Variants in PCDHGB2 observed in about 807,000 individuals in gnomAD.
The protein encoded by PCDHGB2 is protocadherin gamma subfamily B, 2.
In PCDHGB2, 55 loss-of-function variants were observed where a neutral mutation model predicts 59.3. That is an observed-to-expected ratio of 0.93 (90% CI 0.75 to 1.16). PCDHGB2 has a LOEUF of 1.16. Among genes scored for constraint, PCDHGB2 ranks in the 50% most tolerant of loss-of-function variants. The pLI is 0.00. For synonymous variants in PCDHGB2, 516 were observed against 512.0 expected, an observed-to-expected ratio of 1.01 and a Z score of -0.11; for missense variants, 1,228 against 1,198.5, an observed-to-expected ratio of 1.02 and a Z score of -0.36.
rs568314069 is a variant in PCDHGB2 at position 141,486,371 on chromosome 5, G to C, written c.2422-8436G>C. 53 of 1,614,138 alleles carry C rather than the reference G, an allele frequency of 3.3e-5. 2 individuals are homozygous for C. The South Asian group carries it at 5.3e-4, about 16-fold the overall frequency. Reference sequence around the variant, plus strand: ...CCACTTGCCATTTGCCCTCAAGTCTGCCTTCAGGAACCAGTTCTCCCTGGT... The same window carrying C: ...CCACTTGCCATTTGCCCTCAAGTCTCCCTTCAGGAACCAGTTCTCCCTGGT... On this transcript the variant is annotated intron_variant, in intron 1 of 3. Transcript: ENST00000522605. The surrounding 1 kb of genome is among the most constrained non-coding windows in gnomAD (Gnocchi z 5.0).
chr5:141,468,230 TAGG>T (rs1451844939), intron 1 of PCDHGB2, among the ~76,000 whole-genome samples: 9 of 141,220 alleles, frequency 6.4e-5, no homozygotes, highest in South Asian at 2.2e-4. Context: ...GAGGATGAGG[TAGG>T]AGAATTGCCT....
intron 1 of PCDHGB2, chr5:141,377,922 C>A (rs1453139299): frequency 6.6e-6 from 1 of 152,166 alleles, no homozygotes; most frequent in East Asian, 1.9e-4. Context: ...TAAAAATCCA[C>A]CTGTAACTGC....
intron 1 of PCDHGB2, chr5:141,418,060 A>G (rs2096216821): frequency 1.2e-6 from 2 of 1,613,850 alleles, no homozygotes; most frequent in Admixed American, 1.7e-5. Flanking sequence ...GCGAGCTGCG[A>G]GTGAGCGCGG....
intron 1 of PCDHGB2, chr5:141,385,603 T>C: frequency 1.7e-6 from 2 of 1,190,158 alleles, no homozygotes; most frequent in South Asian, 5.3e-5. Flanking sequence ...CTTTCTTAAC[T>C]CATATATTTT....
chr5:141,386,345 AG>A (rs2090538065), intron 1 of PCDHGB2, among the ~76,000 whole-genome samples: 1 of 152,200 alleles, frequency 6.6e-6, no homozygotes, highest in Admixed American at 6.5e-5. Context: ...GTGGATGACA[AG>A]GTAATCTTGA....
chr5:141,472,486 G>A (rs1300618918), intron 1 of PCDHGB2, among the ~76,000 whole-genome samples: 1 of 152,050 alleles, frequency 6.6e-6, no homozygotes, highest in Non-Finnish European at 1.5e-5. Flanking sequence ...CTTGCAGTGA[G>A]ACGAGATCGT....
At position 141,384,872 on chromosome 5, in the gene PCDHGB2, T is replaced by A. The variant is rs773444317; in HGVS notation, c.2421+22316T>A. On this transcript the variant is annotated intron_variant, in intron 1 of 3. Coordinates refer to ENST00000522605, the MANE Select transcript of PCDHGB2 (RefSeq NM_018923.3). ...GGTCAGCCTCCTCTGTCAGCCACCG[T>A]CACACTCACCGTGGCTGTGGCTGAC... is the stretch of plus-strand genomic sequence containing the variant. 1.9e-6 allele frequency: 3 copies of A among 1,613,766 alleles called. No individual in the cohort carries two copies. The highest frequency in any genetic ancestry group is 2.5e-6 in the Non-Finnish European group (3 of 1,179,946).
intron 1 of PCDHGB2, chr5:141,384,375 C>T (rs190245807): frequency 6.2e-7 from 1 of 1,613,912 alleles, no homozygotes; most frequent in South Asian, 1.1e-5. Flanking sequence ...ATTCCTTGGC[C>T]GAAGACACCA....
At chr5:141,448,782 T>C (rs2098606045) in intron 1 of PCDHGB2, among the ~76,000 whole-genome samples, 1 of 148,758 alleles carries the variant, frequency 6.7e-6, no homozygotes, top group Non-Finnish European at 1.5e-5. Flanking sequence ...GTACTAAAAA[T>C]ACAAAAAAAA....
At chr5:141,389,793 C>G in intron 1 of PCDHGB2, 1 of 1,613,570 alleles carries the variant, frequency 6.2e-7, no homozygotes, top group Non-Finnish European at 8.5e-7. Flanking sequence ...GGACGCCGTC[C>G]GCCAGCGCCT....
chr5:141,481,658 T>C (rs910422064), intron 1 of PCDHGB2, among the ~76,000 whole-genome samples: 2 of 150,554 alleles, frequency 1.3e-5, no homozygotes, highest in East Asian at 2.0e-4. Context: ...TCTCTACTAA[T>C]AATACAAAAA....
At chr5:141,422,645 TCTCAGTGAC>T in intron 1 of PCDHGB2, 2 of 1,612,232 alleles carry the variant, frequency 1.2e-6, no homozygotes, top group Non-Finnish European at 1.7e-6. Flanking sequence ...GCCTCCATCT[TCTCAGTGAC>T]CGCCCTCGAC....
At chr5:141,374,081 G>A (rs1588729709) in intron 1 of PCDHGB2, 1 of 1,524,542 alleles carries the variant, frequency 6.6e-7, no homozygotes. Flanking sequence ...TAATAAGCCA[G>A]TAATGGCGCC....
intron 1 of PCDHGB2, chr5:141,405,045 C>T (rs757899891): frequency 6.2e-7 from 1 of 1,613,918 alleles, no homozygotes. Context: ...GTGGCTGTGG[C>T]AGTCGTCTCC....
chr5:141,509,350 G>C (rs2099876432), intron 3 of PCDHGB2, among the ~76,000 whole-genome samples: 5 of 152,142 alleles, frequency 3.3e-5, no homozygotes. Flanking sequence ...GGGCTGGCCT[G>C]GGCATCCCTG....
chr5:141,408,824 C>T, intron 1 of PCDHGB2: 1 of 1,613,560 alleles, frequency 6.2e-7, no homozygotes, highest in South Asian at 1.1e-5. Context: ...ACAGAGATCT[C>T]ATAGCTTGAT....
At chr5:141,389,355 G>C in intron 1 of PCDHGB2, 2 of 1,613,950 alleles carry the variant, frequency 1.2e-6, no homozygotes, top group Non-Finnish European at 1.7e-6. Flanking sequence ...CTGCATCATG[G>C]CCAGTGACCT....
chr5:141,465,312 A>G (rs2099100692), intron 1 of PCDHGB2, among the ~76,000 whole-genome samples: 1 of 152,314 alleles, frequency 6.6e-6, no homozygotes, highest in South Asian at 2.1e-4. Flanking sequence ...GAATTTAGCC[A>G]TGTCAATGCA....
intron 1 of PCDHGB2, among the ~76,000 whole-genome samples, chr5:141,483,648 T>TTGTGTGTG (rs111458813): frequency 0.019 from 2,886 of 149,692 alleles, 51 homozygotes; most frequent in African/African-American, 0.054. Flanking sequence ...GGGTGTGTGT[T>TTGTGTGTG]TGTGTGTGTG....
Sources: allele counts gnomAD v4.1 joint callset (sites outside exome capture counted in the v4.1 genomes callset), GRCh38; gene constraint gnomAD v4.1.1; non-coding constraint Gnocchi (gnomAD v3.1); transcripts MANE v1.5; gene names NCBI Gene and HGNC (gene_info 2026-07-23, HGNC 2026-07-21).